The following CEP350 variants were observed in gnomAD, a reference collection of about 807,000 sequenced individuals.
The protein encoded by CEP350 is centrosomal protein 350.
CEP350 carries 126 observed loss-of-function variants against 331.8 expected under a neutral mutation model. That is an observed-to-expected ratio of 0.38 (90% CI 0.33 to 0.44). The LOEUF is 0.44. CEP350 is among the 20% of genes least tolerant of loss of function. The pLI is 1.00. For missense variants in CEP350, 3,406 were observed against 3,634.6 expected, an observed-to-expected ratio of 0.94 and a Z score of 1.62; for synonymous variants, 1,200 against 1,259.5, an observed-to-expected ratio of 0.95 and a Z score of 1.00.
chr1:180,055,306 T>C (rs1193575720), intron 25 of CEP350, among the ~76,000 whole-genome samples: 1 of 152,114 alleles, frequency 6.6e-6, no homozygotes, highest in Non-Finnish European at 1.5e-5. Context: ...TTATACTTCA[T>C]ATAGTGGTTG....
At chr1:180,057,289 C>T (rs1313979772) in intron 25 of CEP350, among the ~76,000 whole-genome samples, 3 of 151,650 alleles carry the variant, frequency 2.0e-5, no homozygotes, top group Admixed American at 1.3e-4. Flanking sequence ...TTAGTAGAGA[C>T]GGGGTTTCAC....
chr1:180,006,514 C>T lies in CEP350; in HGVS notation c.1193C>T (p.Pro398Leu). ...AGTAAAGAGAAGAAAGTAGTCAAGC[C>T]AGTACGAAAAGTCCAAAAAGTAGCA... ...EKSKEKKVVKPVRKVQKVAQL... is the reference protein window; with the variant it reads ...EKSKEKKVVKLVRKVQKVAQL... The change falls in exon 8 of 38, where the codon CCA (proline) becomes CTA (leucine). Residue 398 changes from proline (P) to leucine (L), a missense_variant. By Grantham distance (98) the Pro-to-Leu change is moderately conservative (BLOSUM62 -3). Transcript: ENST00000367607. 6.4e-7 allele frequency: 1 copy of T among 1,556,054 alleles called. No individual in the cohort carries two copies. Among genetic ancestry groups the T allele is most frequent in the Non-Finnish European group, 8.7e-7 (1 of 1,148,790 alleles).
In CEP350 at chr1:180,057,942, A is replaced by G. The variant is rs144504391; in HGVS notation, c.5262+3440A>G. Among the ~76,000 whole-genome samples the G allele has an allele frequency of 1.4e-4, 21 of 152,260 alleles. No homozygotes were observed. In the East Asian group the frequency reaches 3.9e-3, roughly 28 times the overall value. On this transcript the variant is annotated intron_variant, in intron 25 of 37. Transcript: ENST00000367607. The stretch of plus-strand genomic sequence containing the variant: ...CTATGTGCTACTTCAGAACTTGACA[A>G]CTGCTTTGAGGAGAATGTGAGTTTG...
At chr1:180,066,148 C>T (rs746517690) in intron 27 of CEP350, among the ~76,000 whole-genome samples, 7 of 152,158 alleles carry the variant, frequency 4.6e-5, no homozygotes, top group Non-Finnish European at 7.4e-5. Flanking sequence ...AGATATAGCT[C>T]AGTTGTACAT....
At position 180,096,170 on chromosome 1, in the gene CEP350, C is replaced by T. The variant is rs1409682876; in HGVS notation, c.9052C>T (p.Leu3018Phe). Residue 3018 changes from leucine (L) to phenylalanine (F), a missense_variant, in exon 36 of 38, where the codon CTT becomes TTT. Around this residue, in one of 5 missense-constraint regions of CEP350, gnomAD observed 1,415 missense variants for 1,512.3 expected, o/e 0.94. Transcript: ENST00000367607. ...CCGACGAGTGAAAAATCCAAATAAC[C>T]TTGATGAAATCAAGGTAAACTGCAA... The part of the protein sequence containing the change: ...YFRRVKNPNN[L>F]DEIKSFIASE... 2 of 1,565,136 alleles carry T rather than the reference C, an allele frequency of 1.3e-6. No homozygotes were observed. Among genetic ancestry groups the T allele is most frequent in the East Asian group, 2.3e-5 (1 of 43,372 alleles).
chr1:180,050,985 T>C (rs1413733021), intron 22 of CEP350, among the ~76,000 whole-genome samples: 1 of 152,220 alleles, frequency 6.6e-6, no homozygotes, highest in African/African-American at 2.4e-5. Flanking sequence ...TGAAAGATAG[T>C]GTCTTGTAAG....
chr1:180,101,062 A>G lies in CEP350; in HGVS notation c.9189+2077A>G, dbSNP rs181403158. ...GACATCTCTCTAACAGTTATCAGAA[A>G]TTCTCAAATACTAAACAAAATATTT... On this transcript the variant is annotated intron_variant, in intron 37 of 37. Coordinates refer to ENST00000367607, the MANE Select transcript of CEP350 (RefSeq NM_014810.5). 1.1e-4 allele frequency among the ~76,000 whole-genome samples: 17 copies of G among 152,330 alleles called. No individual in the cohort carries two copies. In the East Asian group the frequency reaches 3.3e-3, roughly 29 times the overall value.
intron 6 of CEP350, among the ~76,000 whole-genome samples, chr1:179,999,154 G>A (rs3123521): frequency 0.72 from 109,030 of 151,954 alleles, 40,234 homozygotes; most frequent in Admixed American, 0.8. Context: ...TTTGTTCTTT[G>A]TACAAGTCAA....
chr1:180,014,447 T>C lies in CEP350; in HGVS notation c.1994T>C (p.Leu665Pro), dbSNP rs1408197118. 1 of 1,610,188 alleles carries C rather than the reference T, an allele frequency of 6.2e-7. No homozygotes were observed. The highest frequency in any genetic ancestry group is 8.5e-7 in the Non-Finnish European group (1 of 1,178,470). The change falls in exon 10 of 38, where the codon CTA (leucine) becomes CCA (proline). Residue 665 changes from leucine to proline, a missense_variant. Physicochemically the swap from Leu to Pro is moderately conservative, Grantham distance 98 (BLOSUM62 -3). Coordinates refer to ENST00000367607, the MANE Select transcript of CEP350 (RefSeq NM_014810.5). ...CTACAGGAAACTTACTCCAAATTGCTACTAGAAAAGACCTTGCTTGAAGAG... is the reference window on the plus strand; with the variant it reads ...CTACAGGAAACTTACTCCAAATTGCCACTAGAAAAGACCTTGCTTGAAGAG... ...RRLQETYSKL[L>P]LEKTLLEEPS...
At position 180,044,082 on chromosome 1, in the gene CEP350, A is replaced by G. The variant is rs1215568542; in HGVS notation, c.4531A>G (p.Lys1511Glu). The part of the protein sequence containing the change: ...KSPSVSLSQS[K>E]EGTLDSKHQK... ...TCCATCTGTTTCACTCTCTCAGAGT[A>G]AAGAAGGGACCCTTGACTCAAAGCA... The change falls in exon 21 of 38, where the codon AAA (lysine) becomes GAA (glutamate). Residue 1511 changes from lysine (K) to glutamate (E), a missense_variant. Coordinates refer to ENST00000367607, the MANE Select transcript of CEP350 (RefSeq NM_014810.5). The G allele has an allele frequency of 1.9e-6, 3 of 1,555,096 alleles. No individual in the cohort carries two copies. Among genetic ancestry groups the G allele is most frequent in the Admixed American group, 1.9e-5 (1 of 51,504 alleles).
At chr1:180,026,351 C>T (rs2148858569) in intron 14 of CEP350, among the ~76,000 whole-genome samples, 1 of 152,200 alleles carries the variant, frequency 6.6e-6, no homozygotes, top group African/African-American at 2.4e-5. Flanking sequence ...CACTTTGTTG[C>T]CCAGGCTGGT....
At chr1:180,102,246 C>T (rs575177327) in intron 37 of CEP350, among the ~76,000 whole-genome samples, 1 of 152,164 alleles carries the variant, frequency 6.6e-6, no homozygotes, top group African/African-American at 2.4e-5. Flanking sequence ...AGCAATTCTC[C>T]TGTCTCAGTC....
chr1:179,979,356 G>A (rs989646481), intron 1 of CEP350, among the ~76,000 whole-genome samples: 2 of 142,196 alleles, frequency 1.4e-5, no homozygotes, highest in African/African-American at 2.6e-5. Context: ...TTGACCATTT[G>A]TGTTTGCCCA....
At chr1:180,010,256 C>G (rs892156995) in intron 8 of CEP350, among the ~76,000 whole-genome samples, 1 of 151,956 alleles carries the variant, frequency 6.6e-6, no homozygotes, top group Non-Finnish European at 1.5e-5. Flanking sequence ...TTAGTTACTT[C>G]CGATACTATA....
chr1:180,053,950 C>T lies in CEP350; in HGVS notation c.5174+16C>T. The T allele has an allele frequency of 6.6e-7, 1 of 1,514,408 alleles. No individual in the cohort carries two copies. Among genetic ancestry groups the T allele is most frequent in the Non-Finnish European group, 8.9e-7 (1 of 1,126,998 alleles). The allele number at this position is 1,514,408 out of a possible 1,614,324, so 93.8% of individuals were successfully genotyped here. A position where few individuals can be genotyped will look rare whatever the true frequency, so the allele number is the denominator to read the frequency against. On this transcript the variant is annotated intron_variant, in intron 24 of 37. Coordinates refer to ENST00000367607, the MANE Select transcript of CEP350 (RefSeq NM_014810.5). ...ATCAAAAAAAGTAAGTTCTTTTGAGCAGTTTTCACTAATTTCTTCATTCAT... is the reference window on the plus strand; with the variant it reads ...ATCAAAAAAAGTAAGTTCTTTTGAGTAGTTTTCACTAATTTCTTCATTCAT...
At position 179,969,280 on chromosome 1, in the gene CEP350, T is replaced by A. The variant is rs554001917; in HGVS notation, c.-14+14138T>A. On this transcript the variant is annotated intron_variant, in intron 1 of 37. Transcript: ENST00000367607. ...AAGAGACTGAAAAAGCAGAGCAGGC[T>A]GCTGCTGAAAACGCTGTGACCAAGG... 217 of 501,326 alleles carry A rather than the reference T, an allele frequency of 4.3e-4. 2 individuals are homozygous for A. The highest frequency in any genetic ancestry group is 3.8e-3 in the African/African-American group (199 of 51,944). The allele number at this position is 501,326 out of a possible 1,614,324, so 31.1% of individuals were successfully genotyped here. A position where few individuals can be genotyped will look rare whatever the true frequency, so the allele number is the denominator to read the frequency against.
At chr1:180,095,265 A>G (rs540132173) in intron 34 of CEP350, 1 of 315,466 alleles carries the variant, frequency 3.2e-6, no homozygotes, top group East Asian at 5.5e-5. Context: ...TAATGATAAT[A>G]CAAAAAGCGG....
At chr1:180,052,845 A>G (rs557427860) in intron 22 of CEP350, 125 bp from the exon 23 acceptor site, 4 of 460,362 alleles carry the variant, frequency 8.7e-6, no homozygotes, top group African/African-American at 4.1e-5. Context: ...TTTCATGTCT[A>G]TTTATTAGTG....
At chr1:180,012,577 A>G (rs909590707) in intron 9 of CEP350, among the ~76,000 whole-genome samples, 2 of 152,216 alleles carry the variant, frequency 1.3e-5, no homozygotes, top group Non-Finnish European at 2.9e-5. Context: ...TCTCCTATCA[A>G]AGTTTCTTGA....
Sources: gnomAD v4.1 joint callset for allele counts (sites outside exome capture counted in the v4.1 genomes callset) on GRCh38, gnomAD v4.1.1 for gene constraint, gnomAD v4.1.1 regional missense constraint, MANE v1.5 for transcripts, NCBI Gene and HGNC (gene_info 2026-07-23, HGNC 2026-07-21) for gene names.